Variants in MEIS2 observed in about 807,000 individuals in gnomAD.
MEIS2 encodes the protein Meis homeobox 2.
MEIS2 carries 9 observed loss-of-function variants against 58.6 expected under a neutral mutation model. The ratio of observed to expected loss-of-function variants is 0.15; its 90% confidence interval spans 0.09 to 0.27. The LOEUF (loss-of-function observed/expected upper bound fraction) is 0.27, where lower values mean the gene tolerates loss of function less well. Ranked by LOEUF, MEIS2 falls within the 10% of genes least tolerant of loss-of-function variation. The pLI, the probability that MEIS2 is intolerant of heterozygous loss-of-function variation, is 1.00. For missense variants in MEIS2, 427 were observed against 635.0 expected, an observed-to-expected ratio of 0.67 and a Z score of 3.52; for synonymous variants, 221 against 228.4, an observed-to-expected ratio of 0.97 and a Z score of 0.29.
chr15:37,099,334 A>C (rs897210866), intron 1 of MEIS2, 121 bp downstream of exon 1: 37 of 1,564,198 alleles, frequency 2.4e-5, no homozygotes, highest in Admixed American at 1.8e-4. Context: ...TTTTTAAAAT[A>C]CTGGCCGCCA....
intron 8 of MEIS2, among the ~76,000 whole-genome samples, chr15:37,018,382 A>G (rs1304082912): frequency 6.6e-6 from 1 of 152,210 alleles, no homozygotes; most frequent in East Asian, 1.9e-4. Context: ...AAACGTGGCA[A>G]TCTAGCCAGT....
intron 8 of MEIS2, among the ~76,000 whole-genome samples, chr15:36,952,648 TGC>T (rs1567098343): frequency 6.7e-6 from 1 of 149,176 alleles, no homozygotes; most frequent in African/African-American, 2.5e-5. Context: ...TGTGTGTGTG[TGC>T]ATGTGTGTTT....
At chr15:37,059,694 C>G (rs936232741) in intron 7 of MEIS2, among the ~76,000 whole-genome samples, 1 of 151,586 alleles carries the variant, frequency 6.6e-6, no homozygotes, top group African/African-American at 2.4e-5. Flanking sequence ...CCCAGCACTT[C>G]GGAAGGCTGA....
chr15:36,963,413 G>T lies in MEIS2; in HGVS notation c.901-13013C>A, dbSNP rs200140830. Among the ~76,000 whole-genome samples the T allele has an allele frequency of 3.3e-5, 5 of 150,736 alleles. No individual in the cohort carries two copies. The East Asian group carries it at 7.8e-4, about 24-fold the overall frequency. The stretch of plus-strand genomic sequence containing the variant: ...AAAAAAAAGAGTGAAACTTGGATTT[G>T]ACCTGGATACTGAGGAAACTATACT... On this transcript the variant is annotated intron_variant, in intron 8 of 11. Transcript: ENST00000561208.
At chr15:36,973,707 C>T (rs896885856) in intron 8 of MEIS2, among the ~76,000 whole-genome samples, 5 of 151,946 alleles carry the variant, frequency 3.3e-5, no homozygotes, top group Middle Eastern at 3.4e-3. Flanking sequence ...GGAGTAATGA[C>T]GTTCAAATAA....
At chr15:37,052,264 TG>T (rs1305099103) in intron 7 of MEIS2, among the ~76,000 whole-genome samples, 6 of 152,198 alleles carry the variant, frequency 3.9e-5, no homozygotes, top group Admixed American at 3.9e-4. Context: ...AAGGATGAAA[TG>T]GAAGTAACAT....
chr15:36,958,426 A>G (rs1354290581), intron 8 of MEIS2, among the ~76,000 whole-genome samples: 1 of 152,190 alleles, frequency 6.6e-6, no homozygotes, highest in Admixed American at 6.5e-5. Flanking sequence ...CCTTAGGATA[A>G]GGAGAAACAA....
chr15:37,084,490 T>C (rs1385740456), intron 6 of MEIS2, among the ~76,000 whole-genome samples: 1 of 152,152 alleles, frequency 6.6e-6, no homozygotes, highest in Non-Finnish European at 1.5e-5. Context: ...ACTGTATCAA[T>C]ACCTAATAAA....
intron 8 of MEIS2, among the ~76,000 whole-genome samples, chr15:37,002,521 C>G (rs996919257): frequency 6.6e-6 from 1 of 152,090 alleles, no homozygotes; most frequent in Non-Finnish European, 1.5e-5. Context: ...CCTCCTTTCA[C>G]TTAGTGAAGT....
chr15:36,944,777 G>A (rs548214384), intron 9 of MEIS2, among the ~76,000 whole-genome samples: 17 of 152,108 alleles, frequency 1.1e-4, no homozygotes, highest in Non-Finnish European at 1.8e-4. Flanking sequence ...AAATGGCCGC[G>A]GTGGAAATTG....
At chr15:36,952,839 G>T (rs940008631) in intron 8 of MEIS2, among the ~76,000 whole-genome samples, 11 of 151,946 alleles carry the variant, frequency 7.2e-5, no homozygotes, top group African/African-American at 2.7e-4. Flanking sequence ...AATGGCCACA[G>T]AATTACATAA....
chr15:37,035,654 A>G (rs2062120180), intron 8 of MEIS2, among the ~76,000 whole-genome samples: 1 of 152,172 alleles, frequency 6.6e-6, no homozygotes, highest in Non-Finnish European at 1.5e-5. Flanking sequence ...CTGACACCAC[A>G]GGCCAGATCG....
At chr15:37,099,393 C>T (rs1894829421) in intron 1 of MEIS2, 62 bp downstream of exon 1, 2 of 1,607,668 alleles carry the variant, frequency 1.2e-6, no homozygotes, top group Non-Finnish European at 1.7e-6. Flanking sequence ...GAGGAGGCAT[C>T]GGGACAGGCC....
Position 36,896,633 on chromosome 15 carries a change from C to T in MEIS2, c.1031G>A (p.Arg344Gln), listed in dbSNP as rs2141225052. Residue 344 changes from arginine (R) to glutamine (Q), a missense_variant, in exon 10 of 12, where the codon CGA (arginine) becomes CAA (glutamine). Physicochemically the swap from Arg to Gln is conservative, Grantham distance 43. Coordinates refer to ENST00000561208, the MANE Select transcript of MEIS2 (RefSeq NM_170675.5). ...AGATACTACTTGGAACTTGCCTGCTCGATTTGACTGGTCAATCATGGGCTG... is the reference window on the plus strand; with the variant it reads ...AGATACTACTTGGAACTTGCCTGCTTGATTTGACTGGTCAATCATGGGCTG... ...IVQPMIDQSN[R>Q]AGFLLDPSVS... 2 of 1,611,888 alleles carry T rather than the reference C, an allele frequency of 1.2e-6. No homozygotes were observed. Among genetic ancestry groups the T allele is most frequent in the Non-Finnish European group, 1.7e-6 (2 of 1,179,168 alleles).
intron 8 of MEIS2, among the ~76,000 whole-genome samples, chr15:36,957,241 A>G (rs2059014981): frequency 6.6e-6 from 1 of 152,198 alleles, no homozygotes; most frequent in Non-Finnish European, 1.5e-5. Flanking sequence ...TTTTTGTGTA[A>G]AGTTGAAACT....
intron 8 of MEIS2, among the ~76,000 whole-genome samples, chr15:37,010,111 A>G: frequency 6.6e-6 from 1 of 152,108 alleles, no homozygotes; most frequent in Non-Finnish European, 1.5e-5. Flanking sequence ...GTTTTGAGAC[A>G]GAATCTTGTT....
intron 7 of MEIS2, among the ~76,000 whole-genome samples, chr15:37,045,512 C>T (rs892038233): frequency 2.0e-5 from 3 of 152,014 alleles, no homozygotes; most frequent in Non-Finnish European, 4.4e-5. Context: ...GAAGCTTTTG[C>T]TTAATTCTGC....
chr15:36,978,762 A>G (rs768103175), intron 8 of MEIS2, among the ~76,000 whole-genome samples: 3 of 152,222 alleles, frequency 2.0e-5, no homozygotes, highest in Non-Finnish European at 4.4e-5. Context: ...AAAAGTTAAT[A>G]AACATTTTTC....
intron 7 of MEIS2, among the ~76,000 whole-genome samples, chr15:37,046,840 TA>T (rs1567223617): frequency 2.3e-5 from 1 of 43,114 alleles, no homozygotes; most frequent in Non-Finnish European, 5.2e-5. Flanking sequence ...TTAAAAAATA[TA>T]TATATATATA....
Sources: allele counts gnomAD v4.1 joint callset (sites outside exome capture counted in the v4.1 genomes callset), GRCh38; gene constraint gnomAD v4.1.1; transcripts MANE v1.5; gene names NCBI Gene and HGNC (gene_info 2026-07-23, HGNC 2026-07-21).